PLCE1: variants seen among roughly 807,000 people sequenced by gnomAD.
PLCE1 encodes 1-phosphatidylinositol 4,5-bisphosphate phosphodiesterase epsilon-1.
PLCE1 carries 119 observed loss-of-function variants against 242.8 expected under a neutral mutation model. The ratio of observed to expected loss-of-function variants is 0.49; its 90% CI spans 0.42 to 0.57. The LOEUF is 0.57. Ranked by LOEUF, PLCE1 falls within the 20% of genes least tolerant of loss-of-function variation. The pLI is 0.00. For synonymous variants in PLCE1, 945 were observed against 1,017.4 expected, an observed-to-expected ratio of 0.93 and a Z score of 1.35; for missense variants, 2,441 against 2,788.8, an observed-to-expected ratio of 0.88 and a Z score of 2.81.
intron 30 of PLCE1, among the ~76,000 whole-genome samples, chr10:94,323,515 G>A (rs1486171666): frequency 6.6e-6 from 1 of 152,084 alleles, no homozygotes; most frequent in African/African-American, 2.4e-5. Context: ...GACTATTCCC[G>A]TTGGCTCCAG....
At chr10:94,024,683 T>C (rs1010076256) in intron 1 of PLCE1, among the ~76,000 whole-genome samples, 2 of 152,132 alleles carry the variant, frequency 1.3e-5, no homozygotes, top group African/African-American at 4.8e-5. Context: ...AAGTCACACC[T>C]CCTTTAAACA....
chr10:94,184,928 T>A (rs11187805), intron 4 of PLCE1, among the ~76,000 whole-genome samples: 16,490 of 152,204 alleles, frequency 0.11, 1,857 homozygotes, highest in African/African-American at 0.29. Flanking sequence ...CATGGTACCA[T>A]CTATATAGTA....
chr10:94,040,420 G>A (rs369699977), intron 2 of PLCE1, among the ~76,000 whole-genome samples: 7 of 151,554 alleles, frequency 4.6e-5, no homozygotes, highest in African/African-American at 1.7e-4. Flanking sequence ...CTGGGAATGA[G>A]ATTGTCAGTC....
At chr10:94,283,971 G>A in intron 21 of PLCE1, 60 bp downstream of exon 21, 1 of 1,586,656 alleles carries the variant, frequency 6.3e-7, no homozygotes, top group Non-Finnish European at 8.6e-7. Flanking sequence ...GTCAGTTTCA[G>A]ATGAGATTCC....
At chr10:94,261,205 A>G (rs1431526548) in intron 13 of PLCE1, among the ~76,000 whole-genome samples, 1 of 151,972 alleles carries the variant, frequency 6.6e-6, no homozygotes, top group Non-Finnish European at 1.5e-5. Context: ...TTATCTCCAT[A>G]GTTTTGCCTT....
intron 4 of PLCE1, among the ~76,000 whole-genome samples, chr10:94,182,725 G>A (rs1039900787): frequency 6.6e-6 from 1 of 151,666 alleles, no homozygotes; most frequent in Non-Finnish European, 1.5e-5. Flanking sequence ...ACTATAATAG[G>A]CTATCTTAAT....
chr10:94,171,145 T>A, intron 3 of PLCE1, 35 bp from the exon 4 acceptor site: 2 of 1,577,848 alleles, frequency 1.3e-6, no homozygotes, highest in Non-Finnish European at 1.7e-6. Flanking sequence ...GACACCAGAT[T>A]TGATGTAACC....
chr10:94,170,697 G>T (rs1040836726), intron 3 of PLCE1, among the ~76,000 whole-genome samples: 4 of 152,122 alleles, frequency 2.6e-5, no homozygotes, highest in African/African-American at 9.7e-5. Context: ...GAAACCTTTT[G>T]TCCAGAGAGT....
intron 2 of PLCE1, among the ~76,000 whole-genome samples, chr10:94,052,893 C>T (rs1307232234): frequency 6.6e-6 from 1 of 152,160 alleles, no homozygotes; most frequent in Non-Finnish European, 1.5e-5. Context: ...TATCCTCTGA[C>T]TCCATGACAA....
At chr10:94,265,238 C>T (rs2051471762) in intron 14 of PLCE1, among the ~76,000 whole-genome samples, 2 of 152,236 alleles carry the variant, frequency 1.3e-5, no homozygotes, top group South Asian at 2.1e-4. Flanking sequence ...ATTACTATCA[C>T]ACTGTTGAGT....
intron 29 of PLCE1, among the ~76,000 whole-genome samples, chr10:94,319,211 T>A (rs979215440): frequency 6.6e-6 from 1 of 152,232 alleles, no homozygotes; most frequent in African/African-American, 2.4e-5. Flanking sequence ...GTCCTTTATA[T>A]GCCTTTGTTA....
chr10:94,238,289 A>C (rs531131654), intron 7 of PLCE1, among the ~76,000 whole-genome samples: 11 of 152,320 alleles, frequency 7.2e-5, no homozygotes, highest in African/African-American at 2.6e-4. Flanking sequence ...TCAAGATCTC[A>C]GCAGGAAGGG....
At chr10:94,122,991 T>G (rs1295586793) in intron 2 of PLCE1, among the ~76,000 whole-genome samples, 2 of 152,198 alleles carry the variant, frequency 1.3e-5, no homozygotes, top group African/African-American at 4.8e-5. Flanking sequence ...CTCCATTGCT[T>G]GCAGCATGCT....
At chr10:94,188,875 G>T (rs769761370) in intron 4 of PLCE1, among the ~76,000 whole-genome samples, 4 of 152,050 alleles carry the variant, frequency 2.6e-5, no homozygotes, top group Non-Finnish European at 5.9e-5. Context: ...AAAGTGCCAG[G>T]ATTACAGGCA....
intron 2 of PLCE1, among the ~76,000 whole-genome samples, chr10:94,058,119 A>G (rs2134908906): frequency 6.6e-6 from 1 of 152,332 alleles, no homozygotes; most frequent in African/African-American, 2.4e-5. Context: ...GTGGTCCTTC[A>G]GGGGAACTCC....
intron 20 of PLCE1, among the ~76,000 whole-genome samples, chr10:94,282,304 A>G (rs1164664276): frequency 6.6e-6 from 1 of 152,022 alleles, no homozygotes; most frequent in East Asian, 1.9e-4. Context: ...GTTGCAAATG[A>G]GAGTTATTTA....
intron 2 of PLCE1, among the ~76,000 whole-genome samples, chr10:94,084,856 C>G (rs530561569): frequency 4.6e-5 from 7 of 152,200 alleles, no homozygotes; most frequent in Non-Finnish European, 8.8e-5. Flanking sequence ...CAAGTCAGGT[C>G]TCAAAATCTA....
intron 4 of PLCE1, among the ~76,000 whole-genome samples, chr10:94,213,479 C>T (rs1205807670): frequency 6.6e-6 from 1 of 152,148 alleles, no homozygotes; most frequent in East Asian, 1.9e-4. Flanking sequence ...TCCAGGACTT[C>T]CCCACCTACC....
intron 4 of PLCE1, among the ~76,000 whole-genome samples, chr10:94,174,366 A>C (rs1394254808): frequency 1.3e-5 from 2 of 152,240 alleles, no homozygotes; most frequent in South Asian, 4.1e-4. Flanking sequence ...ATAGAAAATC[A>C]TCATTAGAAT....
Sources: gnomAD v4.1 joint callset for allele counts (sites outside exome capture counted in the v4.1 genomes callset) on GRCh38, gnomAD v4.1.1 for gene constraint, MANE v1.5 for transcripts, NCBI Gene and HGNC (gene_info 2026-07-23, HGNC 2026-07-21) for gene names.